The following BABAM2 variants were observed in gnomAD, a reference collection of about 807,000 sequenced individuals.
The protein encoded by BABAM2 is BRISC and BRCA1-A complex member 2.
In BABAM2, 31 loss-of-function variants were observed where a neutral mutation model predicts 54.7. The observed-to-expected ratio is 0.57, with a 90% CI of 0.43 to 0.77. The LOEUF (loss-of-function observed/expected upper bound fraction) is 0.77, where lower values mean the gene tolerates loss of function less well. BABAM2 is among the 30% of genes least tolerant of loss of function. The pLI is 0.00. For missense variants in BABAM2, 364 were observed against 455.8 expected (o/e 0.80, Z 1.83); for synonymous variants, 167 against 162.9 (o/e 1.03, Z -0.19).
chr2:28,202,310 C>T (rs1236973999), intron 7 of BABAM2, among the ~76,000 whole-genome samples: 1 of 152,094 alleles, frequency 6.6e-6, no homozygotes, highest in Non-Finnish European at 1.5e-5. Context: ...TTGAACCCAG[C>T]CTCTCTCCCT....
intron 3 of BABAM2, among the ~76,000 whole-genome samples, chr2:27,939,480 G>T: frequency 6.6e-6 from 1 of 152,190 alleles, no homozygotes; most frequent in Non-Finnish European, 1.5e-5. Flanking sequence ...TTAGTGTTCA[G>T]ATTTTCGTTG....
intron 6 of BABAM2, among the ~76,000 whole-genome samples, chr2:28,105,141 A>G (rs1219843834): frequency 1.3e-5 from 2 of 152,228 alleles, no homozygotes; most frequent in Non-Finnish European, 2.9e-5. Context: ...ATACATATGT[A>G]ACAAACCTGC....
rs1690804087 is a variant in BABAM2, at chr2:28,329,937, A to G, written c.1089-8513A>G. On this transcript the variant is annotated intron_variant, in intron 11 of 11. Coordinates refer to ENST00000379624, the MANE Select transcript of BABAM2 (RefSeq NM_199191.3). This position sits in a 1 kb window ranked among gnomAD's most constrained non-coding sequence, Gnocchi z 4.2. ...ACATCAGTGTAAAAATCCTCAATAA[A>G]ATACTGGCAGACTGAATCCAGCAGC... Among the ~76,000 whole-genome samples, 1 of 152,214 alleles carries G rather than the reference A, an allele frequency of 6.6e-6. No individual in the cohort carries two copies. The highest frequency in any genetic ancestry group is 1.5e-5 in the Non-Finnish European group (1 of 68,040).
intron 3 of BABAM2, among the ~76,000 whole-genome samples, chr2:27,965,505 G>A (rs987727928): frequency 2.0e-5 from 3 of 151,916 alleles, no homozygotes; most frequent in Non-Finnish European, 4.4e-5. Context: ...GTCATATCGT[G>A]TCATCCATAA....
chr2:28,278,104 A>G (rs142472904), intron 10 of BABAM2, among the ~76,000 whole-genome samples: 3 of 152,328 alleles, frequency 2.0e-5, no homozygotes, highest in East Asian at 3.9e-4. Context: ...AGGATAAGTG[A>G]GTTAAGGAAA....
At chr2:28,068,368 C>T (rs1663813473) in intron 6 of BABAM2, among the ~76,000 whole-genome samples, 1 of 152,100 alleles carries the variant, frequency 6.6e-6, no homozygotes. Flanking sequence ...CATTTGTGAC[C>T]TCCCTTGGCT....
At chr2:28,211,212 G>C (rs1265589577) in intron 7 of BABAM2, among the ~76,000 whole-genome samples, 2 of 152,108 alleles carry the variant, frequency 1.3e-5, no homozygotes, top group African/African-American at 4.8e-5. Flanking sequence ...GACTCCAAGA[G>C]ATCAACTGCT....
chr2:27,902,922 T>TGTGA (rs1008267078), intron 2 of BABAM2, among the ~76,000 whole-genome samples: 1 of 151,622 alleles, frequency 6.6e-6, no homozygotes, highest in African/African-American at 2.4e-5. Flanking sequence ...TGTGTGTGTG[T>TGTGA]GTGAGAGAGA....
chr2:28,027,191 C>G (rs1160076714), intron 5 of BABAM2, among the ~76,000 whole-genome samples: 1 of 150,916 alleles, frequency 6.6e-6, no homozygotes, highest in African/African-American at 2.4e-5. Context: ...AGGGTCTTTG[C>G]ATAGGCTCTC....
At chr2:27,905,541 A>G (rs981472211) in intron 2 of BABAM2, among the ~76,000 whole-genome samples, 7 of 152,184 alleles carry the variant, frequency 4.6e-5, no homozygotes, top group Non-Finnish European at 8.8e-5. Flanking sequence ...TGTTCACGTT[A>G]TGGTGGGTGA....
chr2:28,285,808 G>T (rs896348372), intron 10 of BABAM2, among the ~76,000 whole-genome samples: 1 of 151,534 alleles, frequency 6.6e-6, no homozygotes, highest in Non-Finnish European at 1.5e-5. Context: ...GGGCTCAAGC[G>T]ATCCTCCCGC....
chr2:28,303,830 G>A (rs1688298749), intron 11 of BABAM2, among the ~76,000 whole-genome samples: 1 of 152,016 alleles, frequency 6.6e-6, no homozygotes, highest in Non-Finnish European at 1.5e-5. Context: ...TAGTTTCTCA[G>A]AAATTTTTAA....
chr2:28,117,601 C>G (rs924336084), intron 6 of BABAM2, among the ~76,000 whole-genome samples: 1 of 152,174 alleles, frequency 6.6e-6, no homozygotes, highest in African/African-American at 2.4e-5. Context: ...TTTATTCTCT[C>G]CCACCACAGC....
intron 6 of BABAM2, among the ~76,000 whole-genome samples, chr2:28,074,034 T>G (rs559745802): frequency 5.9e-5 from 9 of 152,118 alleles, no homozygotes; most frequent in Admixed American, 2.0e-4. Context: ...TACACATATA[T>G]ATACACACAC....
chr2:28,033,182 A>G (rs900991817), intron 5 of BABAM2, among the ~76,000 whole-genome samples: 12 of 152,112 alleles, frequency 7.9e-5, no homozygotes, highest in Admixed American at 1.3e-4. Flanking sequence ...TACATCATAC[A>G]TTTTCTCAAT....
At chr2:28,205,007 C>G (rs1412055683) in intron 7 of BABAM2, among the ~76,000 whole-genome samples, 1 of 150,420 alleles carries the variant, frequency 6.6e-6, no homozygotes, top group Non-Finnish European at 1.5e-5. Flanking sequence ...TTATTAAAAT[C>G]AGATTCTGCT....
chr2:28,244,532 AG>A (rs1169511687), intron 9 of BABAM2, among the ~76,000 whole-genome samples: 5 of 152,194 alleles, frequency 3.3e-5, no homozygotes, highest in African/African-American at 1.2e-4. Context: ...AAGGAAACTG[AG>A]GCTGCAAAGG....
chr2:27,968,696 C>T (rs1020180039), intron 3 of BABAM2, among the ~76,000 whole-genome samples: 1 of 152,236 alleles, frequency 6.6e-6, no homozygotes, highest in African/African-American at 2.4e-5. Context: ...TGCAAAGCCA[C>T]AGGGGTGGAG....
chr2:27,910,023 G>A (rs995279911), intron 2 of BABAM2, among the ~76,000 whole-genome samples: 2 of 152,192 alleles, frequency 1.3e-5, no homozygotes, highest in Non-Finnish European at 2.9e-5. Context: ...CAAGTAAGTT[G>A]CGTGACTTGT....
Sources: allele counts gnomAD v4.1 joint callset (sites outside exome capture counted in the v4.1 genomes callset), GRCh38; gene constraint gnomAD v4.1.1; non-coding constraint Gnocchi (gnomAD v3.1); transcripts MANE v1.5; gene names NCBI Gene and HGNC (gene_info 2026-07-23, HGNC 2026-07-21).